The following CSMD1 variants were observed in gnomAD, a reference collection of about 807,000 sequenced individuals.
The protein encoded by CSMD1 is CUB and Sushi multiple domains 1, also known as CUB and sushi domain-containing protein 1.
In CSMD1, 213 loss-of-function variants were observed where a neutral mutation model predicts 417.5. The ratio of observed to expected loss-of-function variants is 0.51; its 90% CI spans 0.46 to 0.57. The LOEUF (loss-of-function observed/expected upper bound fraction) is 0.57. Ranked by LOEUF, CSMD1 falls within the 20% of genes least tolerant of loss-of-function variation. The pLI is 0.00. For synonymous variants in CSMD1, 2,862 were observed against 1,736.8 expected (o/e 1.65, Z -16.11); for missense variants, 6,923 against 4,529.7 (o/e 1.53, Z -15.17).
At chr8:4,942,038 G>C (rs1808036854) in intron 1 of CSMD1, among the ~76,000 whole-genome samples, 1 of 152,114 alleles carries the variant, frequency 6.6e-6, no homozygotes, top group Non-Finnish European at 1.5e-5. Flanking sequence ...CTGGGTAAAT[G>C]GGATTGTCTG....
chr8:3,872,782 A>G (rs1291636909), intron 5 of CSMD1, among the ~76,000 whole-genome samples: 2 of 152,172 alleles, frequency 1.3e-5, no homozygotes, highest in African/African-American at 4.8e-5. Flanking sequence ...CCATCCGACA[A>G]AGATCTAATA....
intron 5 of CSMD1, among the ~76,000 whole-genome samples, chr8:3,899,292 C>T (rs1807571685): frequency 6.6e-6 from 1 of 152,212 alleles, no homozygotes; most frequent in Admixed American, 6.5e-5. Flanking sequence ...AGAAATGGCA[C>T]TTTCAAGTAC....
chr8:3,707,858 G>C (rs76070030), intron 7 of CSMD1, among the ~76,000 whole-genome samples: 1 of 152,116 alleles, frequency 6.6e-6, no homozygotes, highest in South Asian at 2.1e-4. Flanking sequence ...GCAGGTGTGG[G>C]AGACACCTTC....
chr8:4,214,058 T>A (rs559035491), intron 3 of CSMD1, among the ~76,000 whole-genome samples: 1 of 152,314 alleles, frequency 6.6e-6, no homozygotes, highest in East Asian at 1.9e-4. Flanking sequence ...AAATGATCAA[T>A]AAATATCTGA....
At chr8:4,023,170 T>A (rs1796874659) in intron 4 of CSMD1, among the ~76,000 whole-genome samples, 2 of 152,142 alleles carry the variant, frequency 1.3e-5, no homozygotes, top group Admixed American at 6.5e-5. Context: ...AAGTTCTTCC[T>A]TTTCACCCAG....
At chr8:4,096,877 G>A (rs756254359) in intron 3 of CSMD1, among the ~76,000 whole-genome samples, 1 of 152,126 alleles carries the variant, frequency 6.6e-6, no homozygotes, top group East Asian at 1.9e-4. Flanking sequence ...AAGCCATCTT[G>A]CAATTTTAAA....
chr8:4,143,310 T>G (rs1018731721), intron 3 of CSMD1, among the ~76,000 whole-genome samples: 1 of 150,886 alleles, frequency 6.6e-6, no homozygotes, highest in Admixed American at 6.6e-5. Context: ...TAGTATTGCT[T>G]TTTATTTCCA....
At chr8:3,377,988 C>T (rs1004110307) in intron 18 of CSMD1, among the ~76,000 whole-genome samples, 1 of 152,112 alleles carries the variant, frequency 6.6e-6, no homozygotes, top group Non-Finnish European at 1.5e-5. Flanking sequence ...TGGCCTGGAG[C>T]AATTCCAGAG....
chr8:4,910,028 A>G (rs1229861830), intron 1 of CSMD1, among the ~76,000 whole-genome samples: 1 of 152,186 alleles, frequency 6.6e-6, no homozygotes. Flanking sequence ...TATATGAATA[A>G]CCAATAGCAT....
At chr8:3,250,460 G>T (rs532614821) in intron 26 of CSMD1, among the ~76,000 whole-genome samples, 3 of 152,314 alleles carry the variant, frequency 2.0e-5, no homozygotes, top group Non-Finnish European at 4.4e-5. Flanking sequence ...GTCTGTCATT[G>T]TTGGGCATTT....
At chr8:3,979,551 GC>G (rs1339847193) in intron 5 of CSMD1, among the ~76,000 whole-genome samples, 4 of 152,170 alleles carry the variant, frequency 2.6e-5, no homozygotes, top group Non-Finnish European at 4.4e-5. Flanking sequence ...AAGAGCTCAG[GC>G]CTTTGGAAAA....
At chr8:4,180,709 A>G (rs1798319497) in intron 3 of CSMD1, among the ~76,000 whole-genome samples, 2 of 152,184 alleles carry the variant, frequency 1.3e-5, no homozygotes, top group African/African-American at 4.8e-5. Flanking sequence ...TTGTCATGGA[A>G]CTCACCTTAG....
intron 62 of CSMD1, among the ~76,000 whole-genome samples, chr8:2,960,822 G>C (rs1405165675): frequency 6.6e-6 from 1 of 151,572 alleles, no homozygotes; most frequent in Non-Finnish European, 1.5e-5. Context: ...ACTGCCGTGA[G>C]AATTTAACAG....
chr8:3,978,380 T>C (rs2130152602), intron 5 of CSMD1, among the ~76,000 whole-genome samples: 1 of 152,308 alleles, frequency 6.6e-6, no homozygotes, highest in Admixed American at 6.5e-5. Flanking sequence ...ATTTATCAAA[T>C]ATTCATAATT....
chr8:4,494,853 C>T (rs1801898893), intron 2 of CSMD1, among the ~76,000 whole-genome samples: 1 of 152,032 alleles, frequency 6.6e-6, no homozygotes, highest in East Asian at 1.9e-4. Context: ...GGGTAGGTAG[C>T]AATTCTACCT....
chr8:3,078,062 C>A (rs11993468), intron 49 of CSMD1, among the ~76,000 whole-genome samples: 1 of 151,978 alleles, frequency 6.6e-6, no homozygotes, highest in Non-Finnish European at 1.5e-5. Flanking sequence ...TATTTCTCAA[C>A]GCGAAGCACA....
chr8:4,649,580 C>T (rs1803754007), intron 1 of CSMD1, among the ~76,000 whole-genome samples: 1 of 152,170 alleles, frequency 6.6e-6, no homozygotes, highest in African/African-American at 2.4e-5. Flanking sequence ...CTGTCATTTT[C>T]TGAAAAGAAT....
intron 1 of CSMD1, among the ~76,000 whole-genome samples, chr8:4,917,595 C>A (rs1487213986): frequency 6.6e-6 from 1 of 152,118 alleles, no homozygotes; most frequent in Non-Finnish European, 1.5e-5. Flanking sequence ...GATCATGCCA[C>A]TGCACTCCAG....
rs143349002 is a variant in CSMD1, at chr8:4,385,918, C to G, written c.415+34035G>C. Among the ~76,000 whole-genome samples the G allele has an allele frequency of 5.1e-3, 777 of 152,266 alleles. 6 individuals carry two copies. Among genetic ancestry groups the G allele is most frequent in the African/African-American group, 0.018 (743 of 41,532 alleles). On this transcript the variant is annotated intron_variant, in intron 3 of 69. Coordinates refer to ENST00000635120, the MANE Select transcript of CSMD1 (RefSeq NM_033225.6). ...TCTCAGAACCAGTTCTCCAGGAATT[C>G]CAGAGTTTCTCACCCCTCAACATTC... is the stretch of plus-strand genomic sequence containing the variant.
Sources: gnomAD v4.1 joint callset for allele counts (sites outside exome capture counted in the v4.1 genomes callset) on GRCh38, gnomAD v4.1.1 for gene constraint, MANE v1.5 for transcripts, NCBI Gene and HGNC (gene_info 2026-07-23, HGNC 2026-07-21) for gene names.